The following ANK3 variants were observed in gnomAD, a reference collection of about 807,000 sequenced individuals.
ANK3 encodes ankyrin 3.
Under a neutral mutation model 370.9 loss-of-function variants are expected in ANK3, and 57 were observed. The observed-to-expected ratio is 0.15, with a 90% confidence interval of 0.12 to 0.19. The LOEUF is 0.19. Ranked by LOEUF, ANK3 falls within the 10% of genes least tolerant of loss-of-function variation. The probability of loss-of-function intolerance (pLI) is 1.00; values close to 1 mark genes in which losing one functional copy is unlikely to be tolerated. For missense variants in ANK3, 4,439 were observed against 5,302.1 expected (o/e 0.84, Z 5.06); for synonymous variants, 1,929 against 1,946.3 (o/e 0.99, Z 0.23).
intron 38 of ANK3, among the ~76,000 whole-genome samples, chr10:60,066,933 T>C (rs1333383939): frequency 6.6e-6 from 1 of 152,192 alleles, no homozygotes; most frequent in Non-Finnish European, 1.5e-5. Context: ...TTATTTTGTT[T>C]TATTGAGATG....
chr10:60,518,987 G>A (rs1466279995), intron 2 of ANK3, among the ~76,000 whole-genome samples: 2 of 152,106 alleles, frequency 1.3e-5, no homozygotes, highest in Non-Finnish European at 2.9e-5. Flanking sequence ...GTTTCCTTCT[G>A]CCTTAGGGAT....
At chr10:60,194,791 G>A (rs1187595754) in intron 16 of ANK3, among the ~76,000 whole-genome samples, 2 of 152,080 alleles carry the variant, frequency 1.3e-5, no homozygotes, top group African/African-American at 4.8e-5. Context: ...ACTGTGGAGG[G>A]GAAAGCTACA....
chr10:60,720,211 C>A (rs1047961683), intron 1 of ANK3, among the ~76,000 whole-genome samples: 5 of 152,120 alleles, frequency 3.3e-5, no homozygotes, highest in African/African-American at 1.2e-4. Flanking sequence ...TAGTAAAACT[C>A]AATTTTAACA....
rs371410303 is a variant in ANK3 at position 60,730,443 on chromosome 10, C to T, written c.57+2820G>A. 7.9e-5 allele frequency among the ~76,000 whole-genome samples: 12 copies of T among 152,274 alleles called. No homozygotes were observed. The East Asian group carries it at 2.1e-3, about 27-fold the overall frequency. ...AAAGTTCTGGGATTATAGGCATAAACCACCATGCCTGCTCTAATAGAACTT... is the reference window on the plus strand; with the variant it reads ...AAAGTTCTGGGATTATAGGCATAAATCACCATGCCTGCTCTAATAGAACTT... On this transcript the variant is annotated intron_variant, in intron 1 of 43. Coordinates refer to the ANK3 transcript ENST00000373827.
intron 1 of ANK3, among the ~76,000 whole-genome samples, chr10:60,635,784 C>T (rs1259101096): frequency 6.6e-6 from 1 of 151,550 alleles, no homozygotes; most frequent in Non-Finnish European, 1.5e-5. Context: ...AATTATAACA[C>T]ACAGCCCCAG....
intron 2 of ANK3, among the ~76,000 whole-genome samples, chr10:60,399,908 G>A (rs2063320289): frequency 6.6e-6 from 1 of 151,998 alleles, no homozygotes; most frequent in African/African-American, 2.4e-5. Flanking sequence ...CAATATCCCT[G>A]GGCATTACCG....
At chr10:60,295,920 G>A (rs952632625) in intron 1 of ANK3, among the ~76,000 whole-genome samples, 4 of 152,226 alleles carry the variant, frequency 2.6e-5, no homozygotes, top group African/African-American at 7.2e-5. Flanking sequence ...TTTAATGTAC[G>A]TATTGTTTTG....
At chr10:60,454,363 C>T (rs183220152) in intron 2 of ANK3, among the ~76,000 whole-genome samples, 34 of 152,224 alleles carry the variant, frequency 2.2e-4, no homozygotes, top group Admixed American at 6.5e-4. Flanking sequence ...CACTTTTCTC[C>T]TTCTCTTTTC....
intron 41 of ANK3, 131 bp downstream of exon 41, chr10:60,059,209 G>A (rs562265411): frequency 9.8e-6 from 7 of 711,352 alleles, no homozygotes; most frequent in Admixed American, 2.2e-5. Context: ...TAATGAACTG[G>A]TCTTTAAAGC....
chr10:60,680,522 G>C (rs2079181494), intron 1 of ANK3, among the ~76,000 whole-genome samples: 1 of 152,206 alleles, frequency 6.6e-6, no homozygotes, highest in Admixed American at 6.5e-5. Flanking sequence ...TCCTGGGAAT[G>C]GTTCTAAATA....
intron 18 of ANK3, among the ~76,000 whole-genome samples, chr10:60,180,703 C>G (rs1419112582): frequency 1.3e-5 from 2 of 149,366 alleles, no homozygotes; most frequent in Non-Finnish European, 3.0e-5. Flanking sequence ...AGAAAATTTT[C>G]AAAGAAATGT....
intron 2 of ANK3, among the ~76,000 whole-genome samples, chr10:60,465,697 C>T (rs1006134811): frequency 2.0e-5 from 3 of 151,772 alleles, no homozygotes; most frequent in African/African-American, 7.3e-5. Flanking sequence ...AAATGATTTC[C>T]GAAATAAACT....
rs572698464 is a variant in ANK3 at position 60,305,300 on chromosome 10, C to A, written c.115-25661G>T. On this transcript the variant is annotated intron_variant, in intron 1 of 43. Coordinates refer to ENST00000280772, the MANE Select transcript of ANK3 (RefSeq NM_020987.5). ...TATCAAAATGCTGAGGGCCAGGAGT[C>A]CAGGCCTGGGGGTCTGTCCCTCAGA... Among the ~76,000 whole-genome samples, 52 of 151,928 alleles carry A rather than the reference C, an allele frequency of 3.4e-4. No individual in the cohort carries two copies. In the South Asian group the frequency reaches 9.6e-3, roughly 28 times the overall value.
chr10:60,072,152 T>C lies in ANK3; in HGVS notation c.8729A>G (p.Asn2910Ser). ...VTERERKLLTNGSLSEIKEMT... is the reference protein window; with the variant it reads ...VTERERKLLTSGSLSEIKEMT... ...TTCTTTAATTTCTGAGAGAGAGCCGTTTGTTAACAATTTGCGTTCTCTCTC... is the reference window on the plus strand; with the variant it reads ...TTCTTTAATTTCTGAGAGAGAGCCGCTTGTTAACAATTTGCGTTCTCTCTC... The change falls in exon 37 of 44, where the codon AAC (asparagine) becomes AGC (serine). Residue 2910 changes from asparagine (N) to serine (S), a missense_variant. Physicochemically the swap from Asn to Ser is conservative, Grantham distance 46 (BLOSUM62 1). This residue lies in a region of ANK3 where 1,601 missense variants were observed against 1,731.7 expected (regional missense o/e 0.92). Coordinates refer to ENST00000280772, the MANE Select transcript of ANK3 (RefSeq NM_020987.5). 3 of 1,613,964 alleles carry C rather than the reference T, an allele frequency of 1.9e-6. No homozygotes were observed. The highest frequency in any genetic ancestry group is 2.5e-6 in the Non-Finnish European group (3 of 1,180,006).
intron 2 of ANK3, among the ~76,000 whole-genome samples, chr10:60,484,920 G>C (rs2075312273): frequency 6.6e-6 from 1 of 152,030 alleles, no homozygotes; most frequent in South Asian, 2.1e-4. Flanking sequence ...ATGTGTGTCT[G>C]TGTATTTTGG....
intron 25 of ANK3, 149 bp downstream of exon 25, chr10:60,134,122 T>TA: frequency 1.7e-6 from 1 of 573,408 alleles, no homozygotes; most frequent in Non-Finnish European, 2.9e-6. Context: ...TAGTACAACT[T>TA]ATTTTTTTTT....
intron 2 of ANK3, among the ~76,000 whole-genome samples, chr10:60,594,599 C>T (rs2077961284): frequency 6.6e-6 from 1 of 151,114 alleles, no homozygotes; most frequent in Non-Finnish European, 1.5e-5. Flanking sequence ...GGATATATGC[C>T]TATTTTTACA....
intron 2 of ANK3, among the ~76,000 whole-genome samples, chr10:60,546,336 T>C (rs903474529): frequency 3.9e-5 from 6 of 152,204 alleles, no homozygotes; most frequent in African/African-American, 1.4e-4. Context: ...GTGCCAAGTC[T>C]GGATAGTCTT....
chr10:60,263,958 C>T lies in ANK3; in HGVS notation c.576G>A (p.Leu192=), dbSNP rs375851106. 6.2e-7 allele frequency: 1 copy of T among 1,614,124 alleles called. No individual in the cohort carries two copies. Among genetic ancestry groups the T allele is most frequent in the Non-Finnish European group, 8.5e-7 (1 of 1,180,006 alleles). The part of the protein sequence containing the change: ...QQGHDQVVSL[L]LENDTKGKVR... The stretch of plus-strand genomic sequence containing the variant: ...CTTTTCCTTTGGTGTCATTCTCTAG[C>T]AGGAGCGAAACGACTTGGTCGTGAC... The change falls in exon 6 of 44, where the codon CTG becomes CTA. Residue 192 remains leucine, a synonymous_variant. Transcript: ENST00000280772.
Sources: gnomAD v4.1 joint callset for allele counts (sites outside exome capture counted in the v4.1 genomes callset) on GRCh38, gnomAD v4.1.1 for gene constraint, gnomAD v4.1.1 regional missense constraint, MANE v1.5 for transcripts, NCBI Gene and HGNC (gene_info 2026-07-23, HGNC 2026-07-21) for gene names.